Variants in RTL4 observed in about 807,000 individuals in gnomAD.
RTL4 encodes the protein retrotransposon Gag like 4, also known as retrotransposon Gag-like protein 4.
A neutral mutation model predicts 5.3 loss-of-function variants in RTL4; 4 were observed. That is an observed-to-expected ratio of 0.75 (90% CI 0.37 to 1.72). The LOEUF is 1.72. Among genes scored for constraint, RTL4 ranks in the 40% most tolerant of loss-of-function variants. The pLI is 0.04. For synonymous variants in RTL4, 98 were observed against 87.3 expected (o/e 1.12, Z -0.68); for missense variants, 260 against 227.1 (o/e 1.14, Z -0.93).
At chrX:112,359,811 C>A in the RTL4 span, among the ~76,000 whole-genome samples, 1 of 111,136 alleles carries the variant, frequency 9.0e-6, no homozygotes, top group Non-Finnish European at 1.9e-5. Context: ...TTCCCAGGTG[C>A]CACACACAAC....
chrX:112,119,497 T>A, the RTL4 span, among the ~76,000 whole-genome samples: 1 of 111,360 alleles, frequency 9.0e-6, no homozygotes, highest in Non-Finnish European at 1.9e-5. Context: ...TGTGTACGAC[T>A]TGGACAGGAC....
the RTL4 span, among the ~76,000 whole-genome samples, chrX:112,442,597 A>G: frequency 9.0e-6 from 1 of 110,605 alleles, no homozygotes; most frequent in South Asian, 3.9e-4. Context: ...TGTAAAGTAT[A>G]CCACCAATAA....
At chrX:112,249,792 T>TAGAG in the RTL4 span, among the ~76,000 whole-genome samples, 755 of 96,732 alleles carry the variant, frequency 7.8e-3, 6 homozygotes, top group African/African-American at 0.021. Context: ...TATATATATA[T>TAGAG]AGAGAGAGAG....
chrX:112,160,974 C>G, the RTL4 span, among the ~76,000 whole-genome samples: 1 of 110,638 alleles, frequency 9.0e-6, no homozygotes, highest in Admixed American at 9.7e-5. Context: ...AAAAAGCATG[C>G]CGCTCCCCCA....
the RTL4 span, among the ~76,000 whole-genome samples, chrX:112,255,866 A>G: frequency 2.7e-5 from 3 of 111,869 alleles, no homozygotes; most frequent in South Asian, 3.7e-4. Context: ...TTCCTAATTT[A>G]TGGTACACAG....
chrX:112,214,549 C>A, the RTL4 span, among the ~76,000 whole-genome samples: 1 of 112,154 alleles, frequency 8.9e-6, no homozygotes, highest in South Asian at 3.7e-4. Context: ...ATTGCTGGAT[C>A]ATATGGTAGT....
At chrX:112,168,681 T>C in the RTL4 span, among the ~76,000 whole-genome samples, 2 of 111,811 alleles carry the variant, frequency 1.8e-5, no homozygotes, top group Non-Finnish European at 3.8e-5. Flanking sequence ...CATCAGAAGG[T>C]TACCCTATAT....
chrX:112,120,934 A>G, the RTL4 span, among the ~76,000 whole-genome samples: 1 of 111,424 alleles, frequency 9.0e-6, no homozygotes, highest in Non-Finnish European at 1.9e-5. Flanking sequence ...TCTTGCTGCC[A>G]CTAGTTGAGA....
chrX:112,154,880 T>C, the RTL4 span, among the ~76,000 whole-genome samples: 1 of 111,804 alleles, frequency 8.9e-6, no homozygotes, highest in Admixed American at 9.5e-5. Flanking sequence ...AATTCATGTA[T>C]TGAAATTTAA....
At chrX:112,415,123 G>A in the RTL4 span, among the ~76,000 whole-genome samples, 22 of 111,458 alleles carry the variant, frequency 2.0e-4, no homozygotes, top group African/African-American at 4.5e-4. Flanking sequence ...TAAGTATATA[G>A]CTTGAAAAAT....
At chrX:112,118,086 G>A in the RTL4 span, among the ~76,000 whole-genome samples, 1 of 111,896 alleles carries the variant, frequency 8.9e-6, no homozygotes, top group African/African-American at 3.2e-5. Flanking sequence ...ACAAGTTCCA[G>A]AGCACTATTA....
At chrX:112,089,736 G>C in the RTL4 span, among the ~76,000 whole-genome samples, 7 of 110,996 alleles carry the variant, frequency 6.3e-5, no homozygotes, top group East Asian at 2.0e-3. Flanking sequence ...GGCTGTTCAG[G>C]GTTCCTTAAA....
the RTL4 span, among the ~76,000 whole-genome samples, chrX:112,265,901 C>T: frequency 1.8e-5 from 2 of 110,306 alleles, no homozygotes; most frequent in Admixed American, 1.9e-4. Context: ...AGCCATACAC[C>T]TGAAACTCTA....
chrX:112,258,839 AT>A, the RTL4 span, among the ~76,000 whole-genome samples: 2 of 111,184 alleles, frequency 1.8e-5, no homozygotes, highest in African/African-American at 6.5e-5. Context: ...TTACAATTTT[AT>A]TTTTTATTCT....
the RTL4 span, among the ~76,000 whole-genome samples, chrX:112,419,637 A>ATGTATATATATATT: frequency 3.3e-5 from 1 of 30,364 alleles, no homozygotes; most frequent in Non-Finnish European, 7.9e-5. Flanking sequence ...AAGTATGTAA[A>ATGTATATATATATT]TCTGACTCTA....
chrX:112,353,600 G>A, the RTL4 span, among the ~76,000 whole-genome samples: 6 of 110,218 alleles, frequency 5.4e-5, no homozygotes, highest in Admixed American at 1.9e-4. Context: ...ACCAAACACC[G>A]CATGTTCTCA....
At chrX:112,297,492 G>A in the RTL4 span, among the ~76,000 whole-genome samples, 1 of 110,940 alleles carries the variant, frequency 9.0e-6, no homozygotes, top group Admixed American at 9.6e-5. Flanking sequence ...CAGATCTTAT[G>A]AGAACTCTAT....
the RTL4 span, among the ~76,000 whole-genome samples, chrX:112,191,376 A>G: frequency 9.0e-6 from 1 of 111,651 alleles, no homozygotes; most frequent in African/African-American, 3.3e-5. Context: ...AAGACTATAA[A>G]TGAAATGGCT....
the RTL4 span, among the ~76,000 whole-genome samples, chrX:112,263,200 T>TA: frequency 0.11 from 9,762 of 86,435 alleles, 1,418 homozygotes; most frequent in African/African-American, 0.38. Flanking sequence ...ACTTAAAGTA[T>TA]AAAAAAAAAA....
Sources: gnomAD v4.1 joint callset for allele counts (sites outside exome capture counted in the v4.1 genomes callset) on GRCh38, gnomAD v4.1.1 for gene constraint, MANE v1.5 for transcripts, NCBI Gene and HGNC (gene_info 2026-07-23, HGNC 2026-07-21) for gene names.